The following VSTM4 variants were observed in gnomAD, a reference collection of about 807,000 sequenced individuals.
VSTM4 encodes V-set and transmembrane domain-containing protein 4.
Under a neutral mutation model 36.4 loss-of-function variants are expected in VSTM4, and 20 were observed. That is an observed-to-expected ratio of 0.55 (90% confidence interval 0.39 to 0.80). VSTM4 has a LOEUF of 0.80. VSTM4 is among the 30% of genes least tolerant of loss of function. VSTM4 has a pLI of 0.00. For missense variants in VSTM4, 392 were observed against 404.5 expected (o/e 0.97, Z 0.26); for synonymous variants, 182 against 173.9 (o/e 1.05, Z -0.37).
In VSTM4 at chr10:49,017,811, G is replaced by A. The variant is rs1843125537; in HGVS notation, c.*1839C>T. ...TCTGCCCTCAAAACACTATACATCT[G>A]TCAGAACACTGCCATGATAAAATTA... On this transcript the variant is annotated 3_prime_UTR_variant, in exon 8 of 8. Transcript: ENST00000332853. 1 of 152,084 alleles carries A rather than the reference G, an allele frequency of 6.6e-6. No individual in the cohort carries two copies. Among genetic ancestry groups the A allele is most frequent in the South Asian group, 2.1e-4 (1 of 4,826 alleles). The allele number at this position is 152,084 out of a possible 1,614,324, so 9.4% of individuals were successfully genotyped here.
chr10:49,092,135 T>A (rs530153620), intron 2 of VSTM4, among the ~76,000 whole-genome samples: 198 of 152,330 alleles, frequency 1.3e-3, no homozygotes, highest in African/African-American at 4.6e-3. Flanking sequence ...GCTGCCTTCC[T>A]TAGTGCTCTA....
In VSTM4 at chr10:49,064,351, G is replaced by T. The variant is rs144258114; in HGVS notation, c.668+352C>A. ...GCAGGGCATACAGTAAGTCAGCATT[G>T]GTGAAGAGAATTGGGGGTGTTTGTG... On this transcript the variant is annotated intron_variant, in intron 5 of 7. Coordinates refer to ENST00000332853, the MANE Select transcript of VSTM4 (RefSeq NM_001031746.5). 8.4e-5 allele frequency: 23 copies of T among 273,586 alleles called. No individual in the cohort carries two copies. The East Asian group carries it at 2.2e-3, about 26-fold the overall frequency. The allele number at this position is 273,586 out of a possible 1,614,324, so 16.9% of individuals were successfully genotyped here. A position where few individuals can be genotyped will look rare whatever the true frequency, so the allele number is the denominator to read the frequency against.
chr10:49,040,981 T>C (rs12776211), intron 7 of VSTM4, among the ~76,000 whole-genome samples: 15,824 of 152,168 alleles, frequency 0.1, 1,091 homozygotes, highest in South Asian at 0.22. Flanking sequence ...GACACCTAAA[T>C]TGGTACCAGG....
chr10:49,091,913 G>A (rs4342944), intron 2 of VSTM4, among the ~76,000 whole-genome samples: 14,630 of 152,242 alleles, frequency 0.096, 944 homozygotes, highest in East Asian at 0.21. Context: ...TTTCTGACAC[G>A]GAAAGCCTTC....
chr10:49,051,063 A>C (rs1843690007), intron 5 of VSTM4, among the ~76,000 whole-genome samples: 1 of 152,236 alleles, frequency 6.6e-6, no homozygotes, highest in South Asian at 2.1e-4. Context: ...AGTATCCCTC[A>C]AAGTCCACAG....
At chr10:49,039,957 T>A (rs1160332600) in intron 7 of VSTM4, among the ~76,000 whole-genome samples, 1 of 152,220 alleles carries the variant, frequency 6.6e-6, no homozygotes, top group East Asian at 1.9e-4. Flanking sequence ...ATGACAGCTT[T>A]TCCTGGAAGT....
intron 2 of VSTM4, among the ~76,000 whole-genome samples, chr10:49,098,538 C>T (rs955640605): frequency 1.1e-4 from 17 of 152,204 alleles, no homozygotes; most frequent in Non-Finnish European, 2.2e-4. Context: ...TAATCTGATT[C>T]CCCCCAGATC....
At chr10:49,066,211 C>A (rs575398432) in intron 4 of VSTM4, among the ~76,000 whole-genome samples, 90 of 152,202 alleles carry the variant, frequency 5.9e-4, no homozygotes, top group Middle Eastern at 3.4e-3. Context: ...TAACATCACC[C>A]TTTTCTATTC....
Position 49,014,763 on chromosome 10 carries a change from C to T in VSTM4, c.*4887G>A, listed in dbSNP as rs1014360238. 6.5e-6 allele frequency: 1 copy of T among 152,734 alleles called. No homozygotes were observed. Among genetic ancestry groups the T allele is most frequent in the Non-Finnish European group, 1.5e-5 (1 of 68,412 alleles). The allele number at this position is 152,734 out of a possible 1,614,324, so 9.5% of individuals were successfully genotyped here. ...GAGACACCCCTAGGAGCAGCTTTCT[C>T]CTGGCTCTCCCCTGCTGCTGTGACT... On this transcript the variant is annotated 3_prime_UTR_variant, in exon 8 of 8. Transcript: ENST00000332853.
chr10:49,101,884 A>G (rs529460898), intron 2 of VSTM4, among the ~76,000 whole-genome samples: 2 of 152,350 alleles, frequency 1.3e-5, no homozygotes, highest in South Asian at 4.1e-4. Flanking sequence ...ATCTCACTAT[A>G]TAATACCAGT....
chr10:49,110,401 T>C lies in VSTM4; in HGVS notation c.56-2406A>G, dbSNP rs117214491. ...GGATCCCAGGAAAGGGAAAGGACTA[T>C]TCTCTAGCCTTCCAGGATGAACCCT... On this transcript the variant is annotated intron_variant, in intron 1 of 7. Transcript: ENST00000332853. Among the ~76,000 whole-genome samples the C allele has an allele frequency of 8.1e-4, 123 of 152,270 alleles. 1 individual carries two copies. Among genetic ancestry groups the C allele is most frequent in the South Asian group, 6.2e-3 (30 of 4,822 alleles).
chr10:49,076,643 G>A (rs770442247), intron 4 of VSTM4, among the ~76,000 whole-genome samples: 21 of 152,184 alleles, frequency 1.4e-4, no homozygotes, highest in East Asian at 1.2e-3. Flanking sequence ...ATAGAGATAT[G>A]AGAGTCATGA....
chr10:49,014,668 A>G lies in VSTM4; in HGVS notation c.*4982T>C, dbSNP rs1196064627. On this transcript the variant is annotated 3_prime_UTR_variant, in exon 8 of 8. Transcript: ENST00000332853. The stretch of plus-strand genomic sequence containing the variant: ...AAAAGCAGTAATCAATTAATTCAGA[A>G]TGAGCAAAGGCTTAACCTCTATTCT... 1 of 152,184 alleles carries G rather than the reference A, an allele frequency of 6.6e-6. No individual in the cohort carries two copies. Among genetic ancestry groups the G allele is most frequent in the African/African-American group, 2.4e-5 (1 of 41,426 alleles). 9.4% of individuals were successfully genotyped at this position (152,184 alleles called of 1,614,324 possible).
At chr10:49,083,165 G>A (rs1388713848) in intron 3 of VSTM4, among the ~76,000 whole-genome samples, 1 of 152,230 alleles carries the variant, frequency 6.6e-6, no homozygotes, top group Non-Finnish European at 1.5e-5. Flanking sequence ...GAAAAGTCAG[G>A]AGATAGCAGT....
rs1384585451 is a variant in VSTM4, at chr10:49,107,841, G to A, written c.210C>T (p.Ser70=). The change falls in exon 2 of 8, where the codon TCC becomes TCT. Residue 70 remains serine (S), a synonymous_variant. Coordinates refer to ENST00000332853, the MANE Select transcript of VSTM4 (RefSeq NM_001031746.5). ...VRWFFAHSFD[S]QEALMVKMTK... is the part of the protein sequence containing the mutation. ...TCATCTTCACCATCAAGGCCTCCTG[G>A]GAGTCGAAGGAGTGTGCAAAGAACC... is the stretch of plus-strand genomic sequence containing the variant. 4 of 1,614,108 alleles carry A rather than the reference G, an allele frequency of 2.5e-6. No individual in the cohort carries two copies. The African/African-American group carries it at 4.0e-5, about 16-fold the overall frequency.
At chr10:49,072,315 T>C (rs1016517894) in intron 4 of VSTM4, among the ~76,000 whole-genome samples, 2 of 152,114 alleles carry the variant, frequency 1.3e-5, no homozygotes, top group African/African-American at 4.8e-5. Flanking sequence ...CCTGCTTGGA[T>C]GCAAATAGGG....
At chr10:49,085,934 A>G in intron 3 of VSTM4, 21 bp downstream of exon 3, 4 of 1,512,398 alleles carry the variant, frequency 2.6e-6, no homozygotes, top group Non-Finnish European at 3.6e-6. Flanking sequence ...GCAATAAAAA[A>G]AAGAAATATA....
rs748614859 is a variant in VSTM4 at position 49,107,958 on chromosome 10, C to G, written c.93G>C (p.Gly31=). 1.2e-6 allele frequency: 2 copies of G among 1,601,482 alleles called. No homozygotes were observed. The highest frequency in any genetic ancestry group is 2.7e-5 in the African/African-American group (2 of 74,570). The part of the protein sequence containing the change: ...CAALNVTVSP[G]PVVDYLEGEN... ...CCCCCTCCAGGTAGTCAACCACGGGCCCCGGGGACACAGTGACATTGAGGG... is the reference window on the plus strand; with the variant it reads ...CCCCCTCCAGGTAGTCAACCACGGGGCCCGGGGACACAGTGACATTGAGGG... The change falls in exon 2 of 8, where the codon GGG becomes GGC. Residue 31 remains glycine (G), a synonymous_variant. Coordinates refer to ENST00000332853, the MANE Select transcript of VSTM4 (RefSeq NM_001031746.5).
chr10:49,042,902 T>TG (rs1021932214), intron 7 of VSTM4, among the ~76,000 whole-genome samples: 20 of 152,218 alleles, frequency 1.3e-4, no homozygotes, highest in African/African-American at 3.6e-4. Flanking sequence ...ACATGATGTT[T>TG]GATCAGAGAC....
Sources: gnomAD v4.1 joint callset for allele counts (sites outside exome capture counted in the v4.1 genomes callset) on GRCh38, gnomAD v4.1.1 for gene constraint, MANE v1.5 for transcripts, NCBI Gene and HGNC (gene_info 2026-07-23, HGNC 2026-07-21) for gene names.